The following SEMA3A variants were observed in gnomAD, a reference collection of about 807,000 sequenced individuals.
SEMA3A encodes semaphorin-3A.
Under a neutral mutation model 97.9 loss-of-function variants are expected in SEMA3A, and 29 were observed. That is an observed-to-expected ratio of 0.30 (90% CI 0.22 to 0.40). The LOEUF (loss-of-function observed/expected upper bound fraction) is 0.40, where lower values mean the gene tolerates loss of function less well. Among genes scored for constraint, SEMA3A ranks in the 10% least tolerant of loss-of-function variants. The pLI is 1.00. For synonymous variants in SEMA3A, 321 were observed against 323.7 expected (o/e 0.99, Z 0.09); for missense variants, 763 against 951.3 (o/e 0.80, Z 2.60).
chr7:84,129,487 G>A (rs1362561272), intron 2 of SEMA3A, among the ~76,000 whole-genome samples: 2 of 152,158 alleles, frequency 1.3e-5, no homozygotes, highest in Admixed American at 6.5e-5. Flanking sequence ...GATTGGGAGA[G>A]GGAGATCTTG....
intron 1 of SEMA3A, among the ~76,000 whole-genome samples, chr7:84,169,910 A>G (rs920696573): frequency 2.6e-5 from 4 of 151,942 alleles, no homozygotes; most frequent in African/African-American, 9.7e-5. Context: ...CTCATTAAAT[A>G]GCTTCATACT....
At position 84,424,561 on chromosome 7, in the gene SEMA3A, A is replaced by T. The variant is rs1389948776; in HGVS notation, c.-245-52661T>A. 5.5e-5 allele frequency among the ~76,000 whole-genome samples: 3 copies of T among 54,338 alleles called. 1 individual carries two copies. The highest frequency in any genetic ancestry group is 4.6e-4 in the South Asian group (1 of 2,190). 35.6% of individuals were successfully genotyped at this position (54,338 alleles called of 152,430 possible). On this transcript the variant is annotated intron_variant, in intron 1 of 3. Coordinates refer to the SEMA3A transcript ENST00000424555. ...ATAAATATTAATATATATTATATAT[A>T]ATATATAAATATTAATATATATTAT...
chr7:84,150,035 T>C (rs1796582255), intron 1 of SEMA3A, among the ~76,000 whole-genome samples: 1 of 152,226 alleles, frequency 6.6e-6, no homozygotes, highest in African/African-American at 2.4e-5. Flanking sequence ...AATGAGTATC[T>C]TTGTCAATCA....
intron 1 of SEMA3A, among the ~76,000 whole-genome samples, chr7:84,478,106 G>C (rs1292239264): frequency 1.3e-5 from 2 of 152,102 alleles, no homozygotes; most frequent in Non-Finnish European, 2.9e-5. Context: ...TTGAAATTTA[G>C]TGGTAAGAGA....
intron 3 of SEMA3A, among the ~76,000 whole-genome samples, chr7:84,204,516 C>G (rs1366339456): frequency 6.6e-6 from 1 of 151,980 alleles, no homozygotes; most frequent in Non-Finnish European, 1.5e-5. Flanking sequence ...CATGTAGATA[C>G]TGGGGAGAAA....
At chr7:84,315,473 CAAAT>C (rs1377128671) in intron 2 of SEMA3A, among the ~76,000 whole-genome samples, 2 of 151,838 alleles carry the variant, frequency 1.3e-5, no homozygotes, top group African/African-American at 4.8e-5. Flanking sequence ...TGTATAGAAA[CAAAT>C]AAAAAATCAT....
chr7:84,357,378 A>G (rs1052704529), intron 2 of SEMA3A, among the ~76,000 whole-genome samples: 5 of 151,032 alleles, frequency 3.3e-5, no homozygotes, highest in Admixed American at 6.6e-5. Flanking sequence ...AAGTGAGAAC[A>G]TGCGGTGTTT....
intron 2 of SEMA3A, among the ~76,000 whole-genome samples, chr7:84,330,276 A>G (rs925174412): frequency 2.6e-5 from 4 of 152,106 alleles, no homozygotes; most frequent in Admixed American, 1.3e-4. Flanking sequence ...AGATCTCATT[A>G]TTAAGTATTT....
At chr7:84,289,486 T>C (rs1800686778) in intron 3 of SEMA3A, among the ~76,000 whole-genome samples, 2 of 152,124 alleles carry the variant, frequency 1.3e-5, no homozygotes, top group African/African-American at 4.8e-5. Flanking sequence ...ACCCCATAAA[T>C]ATGTACAATT....
intron 1 of SEMA3A, among the ~76,000 whole-genome samples, chr7:84,482,247 A>G (rs2116435678): frequency 6.6e-6 from 1 of 152,274 alleles, no homozygotes. Context: ...TTTTGACTTT[A>G]CTACAGTAGA....
chr7:84,071,201 T>C (rs765176582), intron 4 of SEMA3A, among the ~76,000 whole-genome samples: 3 of 152,146 alleles, frequency 2.0e-5, no homozygotes, highest in African/African-American at 4.8e-5. Context: ...AAGATGTCAA[T>C]AGTCACATAT....
chr7:84,158,301 C>T (rs1252494399), intron 1 of SEMA3A, among the ~76,000 whole-genome samples: 1 of 151,778 alleles, frequency 6.6e-6, no homozygotes, highest in Admixed American at 6.6e-5. Flanking sequence ...ACTACAGGCG[C>T]ACACCACCAC....
intron 1 of SEMA3A, among the ~76,000 whole-genome samples, chr7:84,420,790 G>A (rs1459014457): frequency 2.0e-5 from 3 of 152,002 alleles, no homozygotes; most frequent in Non-Finnish European, 4.4e-5. Context: ...GGTGTATATA[G>A]TATTCTTGGA....
chr7:84,163,537 C>G (rs555704120), intron 1 of SEMA3A, among the ~76,000 whole-genome samples: 2 of 151,924 alleles, frequency 1.3e-5, no homozygotes, highest in African/African-American at 2.4e-5. Context: ...ATATCAACGA[C>G]GCATAGAAAT....
intron 2 of SEMA3A, among the ~76,000 whole-genome samples, chr7:84,357,259 C>T (rs1802585109): frequency 1.3e-5 from 2 of 151,744 alleles, no homozygotes; most frequent in Admixed American, 1.3e-4. Context: ...AGGTATATCT[C>T]CTAATGCTAT....
intron 3 of SEMA3A, among the ~76,000 whole-genome samples, chr7:84,284,659 G>A (rs1283920054): frequency 2.0e-5 from 3 of 152,140 alleles, no homozygotes; most frequent in African/African-American, 4.8e-5. Context: ...CTGAATTCCA[G>A]TTAGGAATTG....
At chr7:83,963,123 C>T in intron 16 of SEMA3A, 82 bp downstream of exon 16, 2 of 1,488,532 alleles carry the variant, frequency 1.3e-6, no homozygotes, top group Admixed American at 1.7e-5. Context: ...AGTGCTTTTT[C>T]TTTCCTCAAG....
intron 10 of SEMA3A, 45 bp downstream of exon 10, chr7:84,007,308 G>T (rs772482633): frequency 2.0e-6 from 3 of 1,477,150 alleles, no homozygotes; most frequent in Non-Finnish European, 1.8e-6. Context: ...TTGACCTTTG[G>T]CAGAAATATA....
chr7:84,025,226 G>A (rs1791505422), intron 6 of SEMA3A, among the ~76,000 whole-genome samples: 1 of 152,212 alleles, frequency 6.6e-6, no homozygotes, highest in South Asian at 2.1e-4. Flanking sequence ...TATAAATTAT[G>A]TAAATTATAA....
Sources: allele counts gnomAD v4.1 joint callset (sites outside exome capture counted in the v4.1 genomes callset), GRCh38; gene constraint gnomAD v4.1.1; transcripts MANE v1.5; gene names NCBI Gene and HGNC (gene_info 2026-07-23, HGNC 2026-07-21).